The following FBXO40 variants were observed in gnomAD, a reference collection of about 807,000 sequenced individuals.
The protein encoded by FBXO40 is F-box protein 40.
In FBXO40, 50 loss-of-function variants were observed where a neutral mutation model predicts 49.9. That is an observed-to-expected ratio of 1.00 (90% CI 0.80 to 1.27). The LOEUF is 1.27. FBXO40 is among the 50% of genes most tolerant of loss of function. The pLI is 0.00. For synonymous variants in FBXO40, 340 were observed against 320.2 expected (o/e 1.06, Z -0.66); for missense variants, 895 against 870.1 (o/e 1.03, Z -0.36).
chr3:121,607,213 C>A (rs1218841187), intron 1 of FBXO40, among the ~76,000 whole-genome samples: 2 of 142,566 alleles, frequency 1.4e-5, no homozygotes, highest in South Asian at 4.5e-4. Flanking sequence ...TGCAGTGAGC[C>A]GAGATTATGC....
chr3:121,613,941 T>G (rs1377087268), intron 1 of FBXO40, among the ~76,000 whole-genome samples: 1 of 152,058 alleles, frequency 6.6e-6, no homozygotes, highest in Non-Finnish European at 1.5e-5. Context: ...GAGACCAGCC[T>G]GGCCAACATG....
intron 1 of FBXO40, among the ~76,000 whole-genome samples, chr3:121,598,225 G>A (rs2048882520): frequency 6.6e-6 from 1 of 152,222 alleles, no homozygotes; most frequent in Admixed American, 6.5e-5. Flanking sequence ...CCAGAGCAAA[G>A]TGCATAAGGG....
intron 1 of FBXO40, among the ~76,000 whole-genome samples, chr3:121,597,313 A>G (rs2048877635): frequency 6.6e-6 from 1 of 152,254 alleles, no homozygotes. Flanking sequence ...AAGCAGTACT[A>G]TTTGAATTCC....
chr3:121,611,258 C>T lies in FBXO40; in HGVS notation c.-30-9288C>T, dbSNP rs537981065. Among the ~76,000 whole-genome samples the T allele has an allele frequency of 1.8e-4, 28 of 152,260 alleles. 1 individual carries two copies. The highest frequency in any genetic ancestry group is 5.8e-4 in the East Asian group (3 of 5,186). On this transcript the variant is annotated intron_variant, in intron 1 of 3. Transcript: ENST00000338040. ...GCATACCAAGGACCTGCACCGGCACCGGTCTCTGAGTTCCCTCAGTTTTTT... is the reference window on the plus strand; with the variant it reads ...GCATACCAAGGACCTGCACCGGCACTGGTCTCTGAGTTCCCTCAGTTTTTT...
chr3:121,594,227 G>A (rs528019403), intron 1 of FBXO40, among the ~76,000 whole-genome samples: 17 of 145,750 alleles, frequency 1.2e-4, no homozygotes, highest in African/African-American at 3.2e-4. Flanking sequence ...TTGAGACAGA[G>A]TCTCACTCTG....
chr3:121,598,854 A>G (rs1284782905), intron 1 of FBXO40, among the ~76,000 whole-genome samples: 1 of 152,158 alleles, frequency 6.6e-6, no homozygotes, highest in Non-Finnish European at 1.5e-5. Flanking sequence ...CAGCACCACA[A>G]TCTGCATCAA....
chr3:121,625,829 C>A (rs928753763), intron 3 of FBXO40, among the ~76,000 whole-genome samples: 5 of 152,134 alleles, frequency 3.3e-5, no homozygotes, highest in African/African-American at 7.2e-5. Flanking sequence ...CTCAAAAAAA[C>A]CACTTTTCCT....
chr3:121,625,400 A>G (rs970156284), intron 3 of FBXO40, among the ~76,000 whole-genome samples: 1 of 152,184 alleles, frequency 6.6e-6, no homozygotes, highest in Non-Finnish European at 1.5e-5. Flanking sequence ...ATCTATTTGT[A>G]TTGATCATGT....
At chr3:121,620,037 T>A (rs2049021677) in intron 1 of FBXO40, among the ~76,000 whole-genome samples, 1 of 152,218 alleles carries the variant, frequency 6.6e-6, no homozygotes, top group South Asian at 2.1e-4. Context: ...CAGCTGAATA[T>A]ACCAGGGGAA....
At chr3:121,625,264 C>A (rs1560133699) in intron 3 of FBXO40, among the ~76,000 whole-genome samples, 2 of 152,186 alleles carry the variant, frequency 1.3e-5, no homozygotes. Flanking sequence ...CATGGTAAAC[C>A]TGTTGGTACT....
In FBXO40 at chr3:121,629,607, C is replaced by CT. The variant is rs1441192868; in HGVS notation, c.*2698dup. On this transcript the variant is annotated 3_prime_UTR_variant, in exon 4 of 4. Coordinates refer to ENST00000338040, the MANE Select transcript of FBXO40 (RefSeq NM_016298.4). ...GCTTTCCCTTCCCAAACTGGGTGAG[C>CT]TGGGGAAGCCTTGGTTCAGGAGAGT... The CT allele has an allele frequency of 6.6e-6, 1 of 152,164 alleles. No individual in the cohort carries two copies. Among genetic ancestry groups the CT allele is most frequent in the Non-Finnish European group, 1.5e-5 (1 of 68,034 alleles). The allele number at this position is 152,164 out of a possible 1,614,324, so 9.4% of individuals were successfully genotyped here.
chr3:121,614,198 C>T (rs906802498), intron 1 of FBXO40, among the ~76,000 whole-genome samples: 21 of 142,254 alleles, frequency 1.5e-4, no homozygotes, highest in African/African-American at 5.0e-4. Flanking sequence ...ATCCGGAAGG[C>T]GGAGGTTGCA....
rs1425538910 is a variant in FBXO40 at position 121,630,260 on chromosome 3, T to A, written c.*3350T>A. 6.6e-6 allele frequency: 1 copy of A among 152,190 alleles called. No homozygotes were observed. The highest frequency in any genetic ancestry group is 1.5e-5 in the Non-Finnish European group (1 of 68,044). The allele number at this position is 152,190 out of a possible 1,614,324, so 9.4% of individuals were successfully genotyped here. On this transcript the variant is annotated 3_prime_UTR_variant, in exon 4 of 4. Coordinates refer to ENST00000338040, the MANE Select transcript of FBXO40 (RefSeq NM_016298.4). ...TGTATACTAGAAACCTCAACATCTC[T>A]AGAAGAGGAAATAAAAGCTGCTTTG...
chr3:121,599,057 C>G (rs569265506), intron 1 of FBXO40, among the ~76,000 whole-genome samples: 48 of 152,202 alleles, frequency 3.2e-4, no homozygotes, highest in African/African-American at 1.1e-3. Flanking sequence ...CTCCTCTAGA[C>G]AGGGGAACTT....
chr3:121,599,873 C>T (rs1415525165), intron 1 of FBXO40, among the ~76,000 whole-genome samples: 1 of 151,224 alleles, frequency 6.6e-6, no homozygotes, highest in Non-Finnish European at 1.5e-5. Context: ...CAAGTGTGCA[C>T]TATCATGCCT....
intron 1 of FBXO40, among the ~76,000 whole-genome samples, chr3:121,611,776 G>C (rs544906095): frequency 2.6e-5 from 4 of 152,228 alleles, no homozygotes; most frequent in African/African-American, 4.8e-5. Flanking sequence ...AAGGGCAGAG[G>C]TCCCTGCGGC....
intron 1 of FBXO40, among the ~76,000 whole-genome samples, chr3:121,608,766 C>T (rs1461489793): frequency 6.6e-6 from 1 of 152,146 alleles, no homozygotes; most frequent in African/African-American, 2.4e-5. Flanking sequence ...GCATCCAGGC[C>T]ATGCAGAAGC....
At chr3:121,618,478 C>T (rs1014022592) in intron 1 of FBXO40, among the ~76,000 whole-genome samples, 10 of 150,326 alleles carry the variant, frequency 6.7e-5, no homozygotes, top group African/African-American at 2.5e-4. Flanking sequence ...CCTCTGCTTC[C>T]TGGGTTAAAA....
chr3:121,611,845 C>T (rs2048967582), intron 1 of FBXO40, among the ~76,000 whole-genome samples: 1 of 152,214 alleles, frequency 6.6e-6, no homozygotes. Context: ...ATGACCTTTA[C>T]CAAGTATACT....
Sources: gnomAD v4.1 joint callset for allele counts (sites outside exome capture counted in the v4.1 genomes callset) on GRCh38, gnomAD v4.1.1 for gene constraint, MANE v1.5 for transcripts, NCBI Gene and HGNC (gene_info 2026-07-23, HGNC 2026-07-21) for gene names.